Variants in CARD10 observed in about 807,000 individuals in gnomAD.
CARD10 encodes caspase recruitment domain family member 10.
CARD10 carries 49 observed loss-of-function variants against 114.6 expected under a neutral mutation model. That is an observed-to-expected ratio of 0.43 (90% confidence interval 0.34 to 0.54). The LOEUF is 0.54. CARD10 is among the 20% of genes least tolerant of loss of function. The pLI, the probability that CARD10 is intolerant of heterozygous loss-of-function variation, is 0.03. For missense variants in CARD10, 1,206 were observed against 1,397.2 expected (o/e 0.86, Z 2.18); for synonymous variants, 602 against 593.2 (o/e 1.01, Z -0.21).
At chr22:37,511,401 G>A (rs1923640169) in intron 3 of CARD10, among the ~76,000 whole-genome samples, 1 of 129,984 alleles carries the variant, frequency 7.7e-6, no homozygotes, top group African/African-American at 3.1e-5. Flanking sequence ...AAGGGGGTGA[G>A]GAGGAGGAGG....
At chr22:37,505,273 G>A (rs918998774) in intron 7 of CARD10, among the ~76,000 whole-genome samples, 2 of 151,424 alleles carry the variant, frequency 1.3e-5, no homozygotes, top group African/African-American at 4.9e-5. Context: ...GCCACTGGGG[G>A]TTAAAAAAAA....
Position 37,518,104 on chromosome 22 carries a change from G to A in CARD10, c.240C>T (p.Arg80=), listed in dbSNP as rs1358450411. 6.2e-7 allele frequency: 1 copy of A among 1,613,668 alleles called. No homozygotes were observed. Among genetic ancestry groups the A allele is most frequent in the African/African-American group, 1.3e-5 (1 of 75,032 alleles). Residue 80 remains arginine (R), a synonymous_variant, in exon 2 of 20, where the codon CGC becomes CGT. Coordinates refer to ENST00000251973, the MANE Select transcript of CARD10 (RefSeq NM_014550.4). ...CACGGCAGCGCAAGATGTCCATCAG[G>A]CGCCCTACAGAGTAGTGGGGGGATG... is the stretch of plus-strand genomic sequence containing the variant. ...RFPCRVNRTG[R]LMDILRCRGK... is the part of the protein sequence containing the mutation.
Position 37,492,663 on chromosome 22 carries a change from G to T in CARD10, c.2616C>A (p.Asp872Glu). 1 of 1,613,004 alleles carries T rather than the reference G, an allele frequency of 6.2e-7. No homozygotes were observed. Among genetic ancestry groups the T allele is most frequent in the Non-Finnish European group, 8.5e-7 (1 of 1,179,846 alleles). ...TCTCACCCGCTGGGCACACTTGGAA[G>T]TCCAGCCGGGAGCTGGGCAGGTCTA... ...NLLDLPSSRL[D>E]FQVCPAESLS... The change falls in exon 17 of 20, where the codon GAC (aspartate) becomes GAA (glutamate). Residue 872 changes from aspartate to glutamate, a missense_variant. Physicochemically the swap from Asp to Glu is conservative, Grantham distance 45 (BLOSUM62 2). Transcript: ENST00000251973. The surrounding 1 kb of genome is among the most constrained non-coding windows in gnomAD (Gnocchi z 5.7).
chr22:37,496,196 G>T lies in CARD10; in HGVS notation c.2060-193C>A, dbSNP rs948819556. Among the ~76,000 whole-genome samples, 1 of 152,018 alleles carries T rather than the reference G, an allele frequency of 6.6e-6. No individual in the cohort carries two copies. Among genetic ancestry groups the T allele is most frequent in the Admixed American group, 6.5e-5 (1 of 15,284 alleles). On this transcript the variant is annotated intron_variant, in intron 13 of 19. Coordinates refer to ENST00000251973, the MANE Select transcript of CARD10 (RefSeq NM_014550.4). The surrounding 1 kb of genome is among the most constrained non-coding windows in gnomAD (Gnocchi z 4.1). Reference sequence around the variant, plus strand: ...CCAAGGCCAGTGCCTTCTAGAAACAGAGCCAGGACTCAAACCCAGGTCTCT... The same window carrying T: ...CCAAGGCCAGTGCCTTCTAGAAACATAGCCAGGACTCAAACCCAGGTCTCT...
Position 37,496,999 on chromosome 22 carries a change from C to T in CARD10, c.1947+20G>A, listed in dbSNP as rs1923028168. On this transcript the variant is annotated intron_variant, in intron 12 of 19. Coordinates refer to ENST00000251973, the MANE Select transcript of CARD10 (RefSeq NM_014550.4). This position sits in a 1 kb window ranked among gnomAD's most constrained non-coding sequence, Gnocchi z 4.1. The stretch of plus-strand genomic sequence containing the variant: ...AAAAGCACTGACCCTACCCCCCCAG[C>T]TCAGGAGGCAGGGCCTCACCTCTCT... 3.8e-6 allele frequency: 6 copies of T among 1,591,862 alleles called. No individual in the cohort carries two copies. The South Asian group carries it at 4.6e-5, about 12-fold the overall frequency.
chr22:37,498,150 A>G (rs566912630), intron 11 of CARD10, among the ~76,000 whole-genome samples: 1 of 152,312 alleles, frequency 6.6e-6, no homozygotes, highest in East Asian at 1.9e-4. Flanking sequence ...GGTGCTTTCC[A>G]TGTGCCAGAC....
chr22:37,495,893 G>A lies in CARD10; in HGVS notation c.2170C>T (p.Leu724Phe). 2 of 1,614,150 alleles carry A rather than the reference G, an allele frequency of 1.2e-6. No homozygotes were observed. The highest frequency in any genetic ancestry group is 1.7e-6 in the Non-Finnish European group (2 of 1,180,042). ...AGGATCTCTTGGGCTTTCACGCAAA[G>A]GGCATGGGGATCTGCCCTCTCAGGC... ...TLPERADPHA[L>F]CVKAQEILRL... is the part of the protein sequence containing the mutation. The change falls in exon 14 of 20, where the codon CTT becomes TTT. Residue 724 changes from leucine (L) to phenylalanine (F), a missense_variant. This residue lies in a region of CARD10 where 1,068 missense variants were observed against 1,179.1 expected (regional missense o/e 0.91). Coordinates refer to ENST00000251973, the MANE Select transcript of CARD10 (RefSeq NM_014550.4).
chr22:37,514,370 C>T (rs1923764368), intron 3 of CARD10, among the ~76,000 whole-genome samples: 1 of 152,098 alleles, frequency 6.6e-6, no homozygotes, highest in Non-Finnish European at 1.5e-5. Context: ...AAGCCTTCCC[C>T]ATGCCACATG....
At chr22:37,500,066 T>C (rs1923157049) in intron 11 of CARD10, among the ~76,000 whole-genome samples, 1 of 152,170 alleles carries the variant, frequency 6.6e-6, no homozygotes, top group Non-Finnish European at 1.5e-5. Flanking sequence ...CAGGGCCCCG[T>C]GGGAAGATAT....
In CARD10 at chr22:37,519,265, G is replaced by A. The variant is rs1923950376; in HGVS notation, c.-65C>T. 6 of 1,407,418 alleles carry A rather than the reference G, an allele frequency of 4.3e-6. No individual in the cohort carries two copies. Among genetic ancestry groups the A allele is most frequent in the Non-Finnish European group, 5.5e-6 (6 of 1,083,784 alleles). 87.2% of individuals were successfully genotyped at this position (1,407,418 alleles called of 1,614,324 possible). A position where few individuals can be genotyped will look rare whatever the true frequency, so the allele number is the denominator to read the frequency against. On this transcript the variant is annotated 5_prime_UTR_variant, in exon 1 of 20. Transcript: ENST00000251973. This position sits in a 1 kb window ranked among gnomAD's most constrained non-coding sequence, Gnocchi z 4.1. ...GGTCGACCAGGGCTCCCTAGGGCTA[G>A]ATGTGCGGCCAAGCACCCCCGGGGC... is the stretch of plus-strand genomic sequence containing the variant.
chr22:37,504,815 A>T, intron 7 of CARD10, 46 bp from the exon 8 acceptor site: 2 of 1,247,938 alleles, frequency 1.6e-6, no homozygotes, highest in Non-Finnish European at 2.2e-6. Flanking sequence ...TGCTAGGCCC[A>T]CGTCAACCAC....
At chr22:37,507,397 C>G (rs1006232843) in intron 6 of CARD10, among the ~76,000 whole-genome samples, 4 of 152,236 alleles carry the variant, frequency 2.6e-5, no homozygotes, top group African/African-American at 9.6e-5. Flanking sequence ...GCTCGGGGGC[C>G]TGGTGGCACT....
In CARD10 at chr22:37,490,939, A is replaced by T; in HGVS notation, c.*220T>A. 1.7e-6 allele frequency: 1 copy of T among 573,780 alleles called. No homozygotes were observed. The highest frequency in any genetic ancestry group is 2.2e-5 in the South Asian group (1 of 46,310). 35.5% of individuals were successfully genotyped at this position (573,780 alleles called of 1,614,324 possible). On this transcript the variant is annotated 3_prime_UTR_variant, in exon 20 of 20. Transcript: ENST00000251973. The stretch of plus-strand genomic sequence containing the variant: ...TGTGGAGACCCCAGGAAAGGTGGGG[A>T]GGCCCAGAGCAGCAAGTAGAGGGGA...
In CARD10 at chr22:37,495,820, G is replaced by C; in HGVS notation, c.2243C>G (p.Thr748Ser). The change falls in exon 14 of 20, where the codon ACC becomes AGC. Residue 748 changes from threonine to serine, a missense_variant. Thr to Ser is a moderately conservative substitution (Grantham distance 58). Transcript: ENST00000251973. ...AYKRRQEWFC[T>S]RVDPLTLRDL... ...CCGCAGAGTGAGGGGGTCAACCCGG[G>C]TGCAGAACCATTCCTGCCTCCGCTT... 2 of 1,614,084 alleles carry C rather than the reference G, an allele frequency of 1.2e-6. No individual in the cohort carries two copies. Among genetic ancestry groups the C allele is most frequent in the Middle Eastern group, 1.6e-4 (1 of 6,062 alleles).
rs528654160 is a variant in CARD10, at chr22:37,502,604, G to C, written c.1785C>G (p.Asn595Lys). ...CCCACTGCAGGCAGCTACAGTACCTGTTGAGGAAGTCCAGGCCACAGCCCC... is the reference window on the plus strand; with the variant it reads ...CCCACTGCAGGCAGCTACAGTACCTCTTGAGGAAGTCCAGGCCACAGCCCC... ...LARGCGLDFL[N>K]RSLAIRVSGR... The change falls in exon 11 of 20, where the codon AAC becomes AAG. Residue 595 changes from asparagine to lysine, a missense_variant and splice_region_variant. Physicochemically the swap from Asn to Lys is moderately conservative, Grantham distance 94. Transcript: ENST00000251973. 1 of 1,613,606 alleles carries C rather than the reference G, an allele frequency of 6.2e-7. No homozygotes were observed.
Position 37,507,837 on chromosome 22 carries a change from G to T in CARD10, c.1183C>A (p.Arg395=), listed in dbSNP as rs988032819. Reference sequence around the variant, plus strand: ...ACGCAGGCTGGGCTCACCTGGTCTCGCTCCTTCTCAATCTCCTCCAGTTGG... The same window carrying T: ...ACGCAGGCTGGGCTCACCTGGTCTCTCTCCTTCTCAATCTCCTCCAGTTGG... ...LAQLEEIEKE[R]DQAIQSRDRI... Residue 395 remains arginine, a synonymous_variant, in exon 6 of 20, where the codon CGA becomes AGA. Coordinates refer to ENST00000251973, the MANE Select transcript of CARD10 (RefSeq NM_014550.4). 5 of 1,613,998 alleles carry T rather than the reference G, an allele frequency of 3.1e-6. No homozygotes were observed. The African/African-American group carries it at 6.7e-5, about 22-fold the overall frequency.
At position 37,495,867 on chromosome 22, in the gene CARD10, A is replaced by G. The variant is rs776992208; in HGVS notation, c.2196T>C (p.Leu732=). The change falls in exon 14 of 20, where the codon CTT becomes CTC. Residue 732 remains leucine, a synonymous_variant. Transcript: ENST00000251973. Reference sequence around the variant, plus strand: ...GCTTGTATGCCGAGTCCACCAGTCGAAGGATCTCTTGGGCTTTCACGCAAA... The same window carrying G: ...GCTTGTATGCCGAGTCCACCAGTCGGAGGATCTCTTGGGCTTTCACGCAAA... ...HALCVKAQEI[L]RLVDSAYKRR... 1 of 1,614,088 alleles carries G rather than the reference A, an allele frequency of 6.2e-7. No homozygotes were observed. The highest frequency in any genetic ancestry group is 8.5e-7 in the Non-Finnish European group (1 of 1,180,028).
intron 6 of CARD10, among the ~76,000 whole-genome samples, chr22:37,507,296 C>A (rs2145766884): frequency 6.6e-6 from 1 of 152,280 alleles, no homozygotes; most frequent in South Asian, 2.1e-4. Context: ...CAATAATATA[C>A]AGACTTCAAC....
intron 5 of CARD10, among the ~76,000 whole-genome samples, 154 bp downstream of exon 5, chr22:37,508,373 C>G (rs569680239): frequency 2.0e-5 from 3 of 152,334 alleles, no homozygotes; most frequent in Non-Finnish European, 2.9e-5. Flanking sequence ...GCATCTCAAG[C>G]GCCTAGAAGG....
Sources: gnomAD v4.1 joint callset for allele counts (sites outside exome capture counted in the v4.1 genomes callset) on GRCh38, gnomAD v4.1.1 for gene constraint, gnomAD v4.1.1 regional missense constraint, Gnocchi (gnomAD v3.1) non-coding constraint, MANE v1.5 for transcripts, NCBI Gene and HGNC (gene_info 2026-07-23, HGNC 2026-07-21) for gene names.